Variants in RBM27 observed in about 807,000 individuals in gnomAD.
RBM27 encodes RNA binding motif protein 27.
A neutral mutation model predicts 135.3 loss-of-function variants in RBM27; 22 were observed. That is an observed-to-expected ratio of 0.16 (90% confidence interval 0.12 to 0.23). RBM27 has a LOEUF of 0.23. Among genes scored for constraint, RBM27 ranks in the 10% least tolerant of loss-of-function variants. The probability of loss-of-function intolerance (pLI) is 1.00; values close to 1 mark genes in which losing one functional copy is unlikely to be tolerated. For missense variants in RBM27, 1,009 were observed against 1,281.0 expected, an observed-to-expected ratio of 0.79 and a Z score of 3.24; for synonymous variants, 481 against 442.4, an observed-to-expected ratio of 1.09 and a Z score of -1.10.
intron 7 of RBM27, among the ~76,000 whole-genome samples, chr5:146,234,917 C>G (rs1427223507): frequency 1.3e-5 from 2 of 151,732 alleles, no homozygotes; most frequent in Middle Eastern, 3.4e-3. Flanking sequence ...ACCCATAGTT[C>G]CAGCTACTTG....
At chr5:146,239,775 CTTT>C (rs754481130) in intron 8 of RBM27, among the ~76,000 whole-genome samples, 6 of 119,406 alleles carry the variant, frequency 5.0e-5, no homozygotes, top group Admixed American at 9.1e-5. Flanking sequence ...CACGCCTGGA[CTTT>C]TTTTTTTTTT....
intron 19 of RBM27, among the ~76,000 whole-genome samples, chr5:146,272,175 A>G (rs1203662018): frequency 6.6e-6 from 1 of 152,250 alleles, no homozygotes; most frequent in Non-Finnish European, 1.5e-5. Context: ...TTTTATTGAC[A>G]TTATTTGTGC....
At chr5:146,230,504 G>A in intron 5 of RBM27, 153 bp from the exon 6 acceptor site, 1 of 346,408 alleles carries the variant, frequency 2.9e-6, no homozygotes, top group Non-Finnish European at 4.1e-6. Context: ...CTGCTTTTAG[G>A]ATATATTAAT....
At position 146,288,998 on chromosome 5, in the gene RBM27, ATAT is replaced by A. The variant is rs1581258175; in HGVS notation, c.*2970_*2972del. ...AACTTGTGTAATAGTATAATAGGAG[ATAT>A]TGTTGAATTTCTAACTGTTTATACA... On this transcript the variant is annotated 3_prime_UTR_variant, in exon 21 of 21. Coordinates refer to ENST00000265271, the MANE Select transcript of RBM27 (RefSeq NM_018989.2). 6.6e-6 allele frequency: 1 copy of A among 152,084 alleles called. No individual in the cohort carries two copies. Among genetic ancestry groups the A allele is most frequent in the African/African-American group, 2.4e-5 (1 of 41,424 alleles). The allele number at this position is 152,084 out of a possible 1,614,324, so 9.4% of individuals were successfully genotyped here.
In RBM27 at chr5:146,280,889, G is replaced by A. The variant is rs186637304; in HGVS notation, c.2989-3733G>A. 2.7e-3 allele frequency among the ~76,000 whole-genome samples: 415 copies of A among 151,816 alleles called. 1 individual carries two copies. Among genetic ancestry groups the A allele is most frequent in the Non-Finnish European group, 4.4e-3 (300 of 67,962 alleles). ...TTATTTATTTTTGAGACAGAGTCTC[G>A]CTCTGTCACTCAGGCTGGAGTGCAG... On this transcript the variant is annotated intron_variant, in intron 19 of 20. Transcript: ENST00000265271.
intron 18 of RBM27, 70 bp downstream of exon 18, chr5:146,271,128 C>G: frequency 8.9e-7 from 1 of 1,119,360 alleles, no homozygotes; most frequent in South Asian, 1.3e-5. Flanking sequence ...TGACCGGGCG[C>G]GGTGGCTCAC....
At position 146,286,198 on chromosome 5, in the gene RBM27, A is replaced by G. The variant is rs982455049; in HGVS notation, c.*168A>G. 29 of 536,826 alleles carry G rather than the reference A, an allele frequency of 5.4e-5. No individual in the cohort carries two copies. Among genetic ancestry groups the G allele is most frequent in the Admixed American group, 3.7e-5 (1 of 27,094 alleles). 33.3% of individuals were successfully genotyped at this position (536,826 alleles called of 1,614,324 possible). A position where few individuals can be genotyped will look rare whatever the true frequency, so the allele number is the denominator to read the frequency against. On this transcript the variant is annotated 3_prime_UTR_variant, in exon 21 of 21. Transcript: ENST00000265271. ...ATTTAAACACATCTCATAACTGTAC[A>G]TGATATTAAAGCACCAAAGGCCTAG...
At chr5:146,246,926 C>T (rs1757650324) in intron 8 of RBM27, among the ~76,000 whole-genome samples, 1 of 149,368 alleles carries the variant, frequency 6.7e-6, no homozygotes, top group South Asian at 2.2e-4. Context: ...TACAGTGGCA[C>T]AATCTTGGCT....
chr5:146,248,005 G>A (rs1299450689), intron 8 of RBM27, among the ~76,000 whole-genome samples: 1 of 152,008 alleles, frequency 6.6e-6, no homozygotes, highest in East Asian at 1.9e-4. Flanking sequence ...CTGAAATGCA[G>A]TTTTTACAGA....
intron 9 of RBM27, 21 bp downstream of exon 9, chr5:146,251,896 C>T (rs1757903315): frequency 1.2e-6 from 2 of 1,608,590 alleles, no homozygotes; most frequent in African/African-American, 1.3e-5. Context: ...CTACAGATGG[C>T]CATCCACCTC....
intron 8 of RBM27, among the ~76,000 whole-genome samples, chr5:146,237,935 G>C (rs1388226379): frequency 1.3e-5 from 2 of 152,122 alleles, no homozygotes; most frequent in Non-Finnish European, 2.9e-5. Flanking sequence ...TGATCTACCT[G>C]CCTCGGCCTC....
intron 1 of RBM27, among the ~76,000 whole-genome samples, chr5:146,205,796 G>A (rs1755618804): frequency 6.6e-6 from 1 of 152,170 alleles, no homozygotes; most frequent in South Asian, 2.1e-4. Context: ...CTAGGCGGGC[G>A]GATCATGAGG....
At chr5:146,211,497 T>C (rs1561521983) in intron 1 of RBM27, among the ~76,000 whole-genome samples, 1 of 136,900 alleles carries the variant, frequency 7.3e-6, no homozygotes, top group Non-Finnish European at 1.6e-5. Context: ...TTTTTTTTAC[T>C]TTGAGAGGAG....
At chr5:146,214,444 G>T (rs907818212) in intron 1 of RBM27, among the ~76,000 whole-genome samples, 4 of 152,112 alleles carry the variant, frequency 2.6e-5, no homozygotes, top group African/African-American at 7.2e-5. Flanking sequence ...TTCAGGAGAG[G>T]GAAGTGATGC....
chr5:146,261,867 C>A, intron 13 of RBM27, 61 bp downstream of exon 13: 1 of 1,551,620 alleles, frequency 6.4e-7, no homozygotes, highest in Non-Finnish European at 8.8e-7. Context: ...CAGTATTTTT[C>A]AATTCCTGGT....
intron 1 of RBM27, 134 bp from the exon 2 acceptor site, chr5:146,218,851 G>C: frequency 1.9e-6 from 1 of 529,792 alleles, no homozygotes; most frequent in Non-Finnish European, 3.3e-6. Context: ...TATAAAAGTT[G>C]CCTGTGTTTG....
At chr5:146,276,396 A>T (rs1301014090) in intron 19 of RBM27, among the ~76,000 whole-genome samples, 2 of 152,152 alleles carry the variant, frequency 1.3e-5, no homozygotes, top group African/African-American at 4.8e-5. Context: ...CTGTGCTCCC[A>T]CAATATTTAT....
intron 14 of RBM27, among the ~76,000 whole-genome samples, chr5:146,264,127 A>C (rs555816993): frequency 1.3e-5 from 2 of 151,900 alleles, no homozygotes; most frequent in African/African-American, 4.8e-5. Flanking sequence ...AACACAAAAA[A>C]CAAAAACCAA....
chr5:146,246,864 G>GTTT (rs1280123997), intron 8 of RBM27, among the ~76,000 whole-genome samples: 3 of 135,140 alleles, frequency 2.2e-5, no homozygotes, highest in African/African-American at 5.4e-5. Context: ...TAGTGCTGTG[G>GTTT]TTTTTTTTTT....
Sources: allele counts gnomAD v4.1 joint callset (sites outside exome capture counted in the v4.1 genomes callset), GRCh38; gene constraint gnomAD v4.1.1; transcripts MANE v1.5; gene names NCBI Gene and HGNC (gene_info 2026-07-23, HGNC 2026-07-21).